The following CSMD1 variants were observed in gnomAD, a reference collection of about 807,000 sequenced individuals.
CSMD1 encodes CUB and sushi domain-containing protein 1.
In CSMD1, 213 loss-of-function variants were observed where a neutral mutation model predicts 417.5. The observed-to-expected ratio is 0.51, with a 90% confidence interval of 0.46 to 0.57. The LOEUF (loss-of-function observed/expected upper bound fraction) is 0.57. Among genes scored for constraint, CSMD1 ranks in the 20% least tolerant of loss-of-function variants. CSMD1 has a pLI of 0.00. For synonymous variants in CSMD1, 2,862 were observed against 1,736.8 expected, an observed-to-expected ratio of 1.65 and a Z score of -16.11; for missense variants, 6,923 against 4,529.7, an observed-to-expected ratio of 1.53 and a Z score of -15.17.
Position 4,367,929 on chromosome 8 carries a change from T to C in CSMD1, c.415+52024A>G, listed in dbSNP as rs116223411. ...ATCCTGAAACATTACTGAAGTTGTTTATCAGTTCTAGAAGCCTTCTGGCAG... is the reference window on the plus strand; with the variant it reads ...ATCCTGAAACATTACTGAAGTTGTTCATCAGTTCTAGAAGCCTTCTGGCAG... On this transcript the variant is annotated intron_variant, in intron 3 of 69. Coordinates refer to ENST00000635120, the MANE Select transcript of CSMD1 (RefSeq NM_033225.6). 5.1e-3 allele frequency among the ~76,000 whole-genome samples: 779 copies of C among 152,292 alleles called. 8 individuals are homozygous for C. Among genetic ancestry groups the C allele is most frequent in the African/African-American group, 0.018 (747 of 41,556 alleles).
At chr8:3,883,889 A>G (rs189314379) in intron 5 of CSMD1, among the ~76,000 whole-genome samples, 65 of 152,244 alleles carry the variant, frequency 4.3e-4, no homozygotes, top group African/African-American at 1.5e-3. Context: ...TCATATGTGT[A>G]TTTAAATATA....
At chr8:4,078,313 C>CTTTTTT (rs34359373) in intron 3 of CSMD1, among the ~76,000 whole-genome samples, 4 of 131,268 alleles carry the variant, frequency 3.0e-5, no homozygotes, top group Non-Finnish European at 3.2e-5. Flanking sequence ...TGATATCCAA[C>CTTTTTT]TTTTTTTTTT....
chr8:3,563,192 GT>G (rs1049456665), intron 10 of CSMD1, among the ~76,000 whole-genome samples: 8 of 151,716 alleles, frequency 5.3e-5, no homozygotes, highest in Non-Finnish European at 1.0e-4. Context: ...ATTTAGTTGG[GT>G]TTTTTGTTTG....
intron 3 of CSMD1, among the ~76,000 whole-genome samples, chr8:4,106,366 A>T (rs1801568601): frequency 6.6e-6 from 1 of 152,234 alleles, no homozygotes; most frequent in Non-Finnish European, 1.5e-5. Flanking sequence ...AAAATAAAGC[A>T]TTCAATTACA....
At chr8:4,728,173 T>A (rs62484591) in intron 1 of CSMD1, among the ~76,000 whole-genome samples, 3,713 of 147,502 alleles carry the variant, frequency 0.025, 67 homozygotes, top group Non-Finnish European at 0.038. Flanking sequence ...TATATATATT[T>A]ATTTGGCATT....
intron 10 of CSMD1, among the ~76,000 whole-genome samples, chr8:3,536,963 T>A (rs532737592): frequency 2.6e-5 from 4 of 152,192 alleles, no homozygotes; most frequent in African/African-American, 9.7e-5. Flanking sequence ...AGCTTTCACA[T>A]GCAACATTGT....
intron 3 of CSMD1, among the ~76,000 whole-genome samples, chr8:4,167,768 T>C (rs771091384): frequency 7.2e-5 from 11 of 152,122 alleles, no homozygotes; most frequent in Non-Finnish European, 8.8e-5. Context: ...GGCAGGAGGA[T>C]TGCTTGAGTT....
rs376314895 is a variant in CSMD1 at position 2,983,676 on chromosome 8, T to C, written c.8378-4876A>G. On this transcript the variant is annotated intron_variant, in intron 54 of 69. Coordinates refer to ENST00000635120, the MANE Select transcript of CSMD1 (RefSeq NM_033225.6). ...ACCCAAAGTAAAGCACTTCCCAGTC[T>C]TTGGCATCAGCACTCTTTCCTACAA... 1.3e-4 allele frequency among the ~76,000 whole-genome samples: 20 copies of C among 152,024 alleles called. No individual in the cohort carries two copies. The East Asian group carries it at 2.5e-3, about 19-fold the overall frequency.
chr8:4,117,119 C>T (rs1455479260), intron 3 of CSMD1, among the ~76,000 whole-genome samples: 1 of 151,664 alleles, frequency 6.6e-6, no homozygotes, highest in African/African-American at 2.4e-5. Context: ...TTTTTTCTTG[C>T]TGCCACATTC....
intron 7 of CSMD1, among the ~76,000 whole-genome samples, chr8:3,680,429 A>C (rs1799591793): frequency 6.6e-6 from 1 of 152,234 alleles, no homozygotes; most frequent in Non-Finnish European, 1.5e-5. Context: ...ATGAACTAGA[A>C]AATCTACAAG....
intron 3 of CSMD1, among the ~76,000 whole-genome samples, chr8:4,134,169 G>C (rs1240123224): frequency 6.6e-6 from 1 of 152,066 alleles, no homozygotes; most frequent in African/African-American, 2.4e-5. Flanking sequence ...GTGTATGTTT[G>C]ACTATTTAAA....
chr8:2,998,204 C>A lies in CSMD1; in HGVS notation c.8204-20G>T. 6.2e-7 allele frequency: 1 copy of A among 1,611,930 alleles called. No homozygotes were observed. The highest frequency in any genetic ancestry group is 8.5e-7 in the Non-Finnish European group (1 of 1,178,462). ...TGATGGCTGTAGAGAGACAGGTCAA[C>A]GTCATTGTTAAATATTGAACAGGTC... On this transcript the variant is annotated intron_variant, in intron 53 of 69. Coordinates refer to ENST00000635120, the MANE Select transcript of CSMD1 (RefSeq NM_033225.6).
rs546173527 is a variant in CSMD1, at chr8:3,961,684, T to C, written c.818+36219A>G. 5.3e-5 allele frequency among the ~76,000 whole-genome samples: 8 copies of C among 152,270 alleles called. No individual in the cohort carries two copies. The South Asian group carries it at 1.5e-3, about 28-fold the overall frequency. ...AATAATAAATAAAGTGAAAGCAAAC[T>C]TCAAAAAAGAAAAAGATTGCTGCGA... is the stretch of plus-strand genomic sequence containing the variant. On this transcript the variant is annotated intron_variant, in intron 5 of 69. Transcript: ENST00000635120.
chr8:4,008,703 C>T (rs1436250687), intron 4 of CSMD1, among the ~76,000 whole-genome samples: 2 of 146,168 alleles, frequency 1.4e-5, no homozygotes, highest in Admixed American at 1.4e-4. Flanking sequence ...CTCCCCATCC[C>T]GGGTTCACAT....
chr8:3,108,598 C>A lies in CSMD1; in HGVS notation c.6754+5G>T, dbSNP rs1421768336. The A allele has an allele frequency of 6.2e-7, 1 of 1,613,490 alleles. No homozygotes were observed. The highest frequency in any genetic ancestry group is 1.7e-5 in the Admixed American group (1 of 59,960). On this transcript the variant is annotated splice_donor_5th_base_variant and intron_variant, in intron 44 of 69. Coordinates refer to ENST00000635120, the MANE Select transcript of CSMD1 (RefSeq NM_033225.6). ...TCTTAACTAACGGAGTGAAAATCAA[C>A]TGACCGTGGAAATTGAGGACAAAGA...
At chr8:4,161,094 A>G (rs1480796737) in intron 3 of CSMD1, among the ~76,000 whole-genome samples, 2 of 148,078 alleles carry the variant, frequency 1.4e-5, no homozygotes, top group South Asian at 2.2e-4. Flanking sequence ...TAAGAGATAC[A>G]TTTCCAGGAA....
rs1001026445 is a variant in CSMD1, at chr8:3,885,404, G to A, written c.818+112499C>T. 2.6e-4 allele frequency among the ~76,000 whole-genome samples: 40 copies of A among 152,236 alleles called. 1 individual carries two copies. Among genetic ancestry groups the A allele is most frequent in the Admixed American group, 2.1e-3 (32 of 15,292 alleles). ...TTGAAGCTGCCAATGGAGTAGTTATGAGGACAATATCCCATCACAGGATGC... is the reference window on the plus strand; with the variant it reads ...TTGAAGCTGCCAATGGAGTAGTTATAAGGACAATATCCCATCACAGGATGC... On this transcript the variant is annotated intron_variant, in intron 5 of 69. Transcript: ENST00000635120.
intron 12 of CSMD1, among the ~76,000 whole-genome samples, chr8:3,439,154 C>CAAAAAAAAAAAAAAGAAAAAAAA (rs1563390150): frequency 3.8e-5 from 1 of 26,620 alleles, no homozygotes; most frequent in East Asian, 1.4e-3. Context: ...AAAAAAAAAC[C>CAAAAAAAAAAAAAAGAAAAAAAA]AAGAAAAAAA....
At chr8:3,597,030 C>T (rs943180557) in intron 8 of CSMD1, among the ~76,000 whole-genome samples, 11 of 152,138 alleles carry the variant, frequency 7.2e-5, no homozygotes, top group African/African-American at 2.7e-4. Flanking sequence ...TGATGCCACC[C>T]AGAGCCAGGA....
Sources: gnomAD v4.1 joint callset for allele counts (sites outside exome capture counted in the v4.1 genomes callset) on GRCh38, gnomAD v4.1.1 for gene constraint, MANE v1.5 for transcripts, NCBI Gene and HGNC (gene_info 2026-07-23, HGNC 2026-07-21) for gene names.